Variants in HCFC2 observed in about 807,000 individuals in gnomAD.
The protein encoded by HCFC2 is host cell factor 2.
In HCFC2, 18 loss-of-function variants were observed where a neutral mutation model predicts 89.2. The observed-to-expected ratio is 0.20, with a 90% CI of 0.14 to 0.30. The LOEUF (loss-of-function observed/expected upper bound fraction) is 0.30. Ranked by LOEUF, HCFC2 falls within the 10% of genes least tolerant of loss-of-function variation. HCFC2 has a pLI of 1.00. For synonymous variants in HCFC2, 308 were observed against 335.7 expected (o/e 0.92, Z 0.90); for missense variants, 578 against 956.1 (o/e 0.60, Z 5.21).
chr12:104,099,011 A>G (rs924905571), intron 13 of HCFC2, among the ~76,000 whole-genome samples: 1 of 152,134 alleles, frequency 6.6e-6, no homozygotes, highest in Non-Finnish European at 1.5e-5. Flanking sequence ...AAAGAAAAAA[A>G]AAAAAGAAAT....
chr12:104,100,989 G>C (rs1342721362), intron 13 of HCFC2, among the ~76,000 whole-genome samples: 1 of 152,156 alleles, frequency 6.6e-6, no homozygotes, highest in Non-Finnish European at 1.5e-5. Context: ...ATCTCTCTTA[G>C]ATTCAGTTTC....
At chr12:104,071,164 A>T (rs1388312984) in intron 3 of HCFC2, among the ~76,000 whole-genome samples, 1 of 152,254 alleles carries the variant, frequency 6.6e-6, no homozygotes, top group Non-Finnish European at 1.5e-5. Flanking sequence ...ACAGATTTTT[A>T]AAATAACACT....
At chr12:104,082,380 C>A (rs539102965) in intron 5 of HCFC2, 120 bp from the exon 6 acceptor site, 1 of 618,610 alleles carries the variant, frequency 1.6e-6, no homozygotes, top group East Asian at 2.8e-5. Flanking sequence ...CAATGGTAAG[C>A]GAATGAATAG....
intron 9 of HCFC2, among the ~76,000 whole-genome samples, chr12:104,091,675 G>A (rs1168707329): frequency 6.6e-6 from 1 of 152,112 alleles, no homozygotes; most frequent in Admixed American, 6.5e-5. Context: ...TAAGCAAAAA[G>A]CACATTCCAG....
At chr12:104,101,901 A>G in intron 13 of HCFC2, 67 bp from the exon 14 acceptor site, 1 of 1,006,834 alleles carries the variant, frequency 9.9e-7, no homozygotes, top group Non-Finnish European at 1.4e-6. Flanking sequence ...TAAAAATTGA[A>G]TAATTTTTAA....
At chr12:104,090,546 T>G (rs963477191) in intron 9 of HCFC2, among the ~76,000 whole-genome samples, 1 of 152,150 alleles carries the variant, frequency 6.6e-6, no homozygotes, top group Non-Finnish European at 1.5e-5. Flanking sequence ...ATCTTCTGTT[T>G]TCTCTGTGTA....
intron 5 of HCFC2, among the ~76,000 whole-genome samples, chr12:104,081,580 CTG>C (rs1441962184): frequency 1.3e-5 from 2 of 149,258 alleles, no homozygotes; most frequent in African/African-American, 4.9e-5. Context: ...TAGGAAATGA[CTG>C]TTGTAATTTA....
Position 104,064,595 on chromosome 12 carries a change from T to C in HCFC2, c.35T>C (p.Val12Ala). 1 of 1,563,942 alleles carries C rather than the reference T, an allele frequency of 6.4e-7. No individual in the cohort carries two copies. Among genetic ancestry groups the C allele is most frequent in the East Asian group, 2.6e-5 (1 of 39,040 alleles). Reference protein sequence around the residue: ...AAPSLLNWRRVSSFTGPVPRA... With the variant: ...AAPSLLNWRRASSFTGPVPRA... ...CCCAGCCTCCTCAACTGGAGGCGAG[T>C]TTCTTCCTTCACGGGGCCGGTCCCC... The change falls in exon 1 of 15, where the codon GTT becomes GCT. Residue 12 changes from valine to alanine, a missense_variant. Around this residue, in one of 4 missense-constraint regions of HCFC2, gnomAD observed 22 missense variants for 18.7 expected, o/e 1.18. Coordinates refer to ENST00000229330, the MANE Select transcript of HCFC2 (RefSeq NM_013320.3). The surrounding 1 kb of genome is among the most constrained non-coding windows in gnomAD (Gnocchi z 7.3).
intron 3 of HCFC2, among the ~76,000 whole-genome samples, chr12:104,078,072 C>T (rs1883565703): frequency 1.3e-5 from 2 of 152,262 alleles, no homozygotes; most frequent in East Asian, 3.9e-4. Context: ...GATCTTGGCT[C>T]ACTGCAAGCT....
intron 11 of HCFC2, among the ~76,000 whole-genome samples, chr12:104,096,101 T>A (rs1884168225): frequency 6.6e-6 from 1 of 152,158 alleles, no homozygotes. Flanking sequence ...TCTGAAGTTT[T>A]AGCTAGTCAT....
At chr12:104,071,656 C>A (rs1188569739) in intron 3 of HCFC2, among the ~76,000 whole-genome samples, 1 of 152,184 alleles carries the variant, frequency 6.6e-6, no homozygotes, top group Admixed American at 6.5e-5. Context: ...GGCACAATGT[C>A]AGCTCACTGG....
At position 104,087,029 on chromosome 12, in the gene HCFC2, A is replaced by G. The variant is rs1227946791; in HGVS notation, c.1231+15A>G. ...AAATATGCAAGGTAACATAATTTTCATGCTTAAAGTATGTGTGCTCACATG... is the reference window on the plus strand; with the variant it reads ...AAATATGCAAGGTAACATAATTTTCGTGCTTAAAGTATGTGTGCTCACATG... On this transcript the variant is annotated intron_variant, in intron 8 of 14. Transcript: ENST00000229330. 1.2e-6 allele frequency: 2 copies of G among 1,612,172 alleles called. No individual in the cohort carries two copies. The highest frequency in any genetic ancestry group is 1.7e-5 in the Admixed American group (1 of 59,912).
chr12:104,071,631 A>C (rs1464315830), intron 3 of HCFC2, among the ~76,000 whole-genome samples: 2 of 152,210 alleles, frequency 1.3e-5, no homozygotes, highest in African/African-American at 4.8e-5. Flanking sequence ...TCTGTTATCC[A>C]GGCTGGAGTG....
At chr12:104,087,479 A>C (rs76969069) in intron 8 of HCFC2, among the ~76,000 whole-genome samples, 1 of 139,112 alleles carries the variant, frequency 7.2e-6, no homozygotes, top group East Asian at 2.1e-4. Flanking sequence ...ATATATATAT[A>C]TATATGTATA....
At chr12:104,081,130 A>T (rs1240448722) in intron 5 of HCFC2, among the ~76,000 whole-genome samples, 1 of 152,056 alleles carries the variant, frequency 6.6e-6, no homozygotes, top group African/African-American at 2.4e-5. Context: ...TTCCTTTTTC[A>T]TATTTTTGGT....
Position 104,095,815 on chromosome 12 carries a change from T to C in HCFC2, c.1666+252T>C, listed in dbSNP as rs1884160557. On this transcript the variant is annotated intron_variant, in intron 11 of 14. Coordinates refer to ENST00000229330, the MANE Select transcript of HCFC2 (RefSeq NM_013320.3). The surrounding 1 kb of genome is among the most constrained non-coding windows in gnomAD (Gnocchi z 4.2). ...TGACCATATATTTACCTTTATCAGC[T>C]TTCATCTTTCCAGAATGTAATGTAA... 6.6e-6 allele frequency among the ~76,000 whole-genome samples: 1 copy of C among 152,194 alleles called. No homozygotes were observed.
rs982635413 is a variant in HCFC2, at chr12:104,098,354, T to C, written c.1752T>C (p.Pro584=). The change falls in exon 13 of 15, where the codon CCT becomes CCC. Residue 584 remains proline, a synonymous_variant. Coordinates refer to ENST00000229330, the MANE Select transcript of HCFC2 (RefSeq NM_013320.3). ...TTCTCTGAAATTAGAAAGAGACTCC[T>C]TCAAATCCAGTGGCCACAGTGAAAG... ...ATATPFSKET[P]SNPVATVKAG... The C allele has an allele frequency of 6.3e-7, 1 of 1,596,450 alleles. No homozygotes were observed. Among genetic ancestry groups the C allele is most frequent in the Non-Finnish European group, 8.5e-7 (1 of 1,175,688 alleles).
chr12:104,102,964 T>C lies in HCFC2; in HGVS notation c.2070T>C (p.Val690=), dbSNP rs1195544041. The C allele has an allele frequency of 3.1e-6, 5 of 1,599,686 alleles. No homozygotes were observed. The highest frequency in any genetic ancestry group is 2.3e-5 in the East Asian group (1 of 43,060). The change falls in exon 15 of 15, where the codon GTT becomes GTC. Residue 690 remains valine, a synonymous_variant. Coordinates refer to ENST00000229330, the MANE Select transcript of HCFC2 (RefSeq NM_013320.3). ...TTTTTCCCCCCCCCTTCAAGAATGTTGAAGGTATCCACCTTTCCTGGGAAC... is the reference window on the plus strand; with the variant it reads ...TTTTTCCCCCCCCCTTCAAGAATGTCGAAGGTATCCACCTTTCCTGGGAAC... ...APSAVRISKN[V]EGIHLSWEPP...
intron 8 of HCFC2, among the ~76,000 whole-genome samples, chr12:104,087,718 A>G (rs1350261143): frequency 3.9e-5 from 6 of 152,034 alleles, no homozygotes; most frequent in Non-Finnish European, 7.4e-5. Context: ...TGACTTCAGC[A>G]GATGGCTTTA....
Sources: allele counts gnomAD v4.1 joint callset (sites outside exome capture counted in the v4.1 genomes callset), GRCh38; gene constraint gnomAD v4.1.1; regional missense constraint gnomAD v4.1.1; non-coding constraint Gnocchi (gnomAD v3.1); transcripts MANE v1.5; gene names NCBI Gene and HGNC (gene_info 2026-07-23, HGNC 2026-07-21).